DSCAM: variants seen among roughly 807,000 people sequenced by gnomAD.
DSCAM encodes DS cell adhesion molecule.
In DSCAM, 47 loss-of-function variants were observed where a neutral mutation model predicts 217.7. That is an observed-to-expected ratio of 0.22 (90% CI 0.17 to 0.28). The LOEUF (loss-of-function observed/expected upper bound fraction) is 0.28. Among genes scored for constraint, DSCAM ranks in the 10% least tolerant of loss-of-function variants. The probability of loss-of-function intolerance (pLI) is 1.00; values close to 1 mark genes in which losing one functional copy is unlikely to be tolerated. For synonymous variants in DSCAM, 1,056 were observed against 1,015.3 expected, an observed-to-expected ratio of 1.04 and a Z score of -0.76; for missense variants, 2,080 against 2,618.3, an observed-to-expected ratio of 0.79 and a Z score of 4.49.
chr21:40,536,599 G>T (rs540804163), intron 3 of DSCAM, among the ~76,000 whole-genome samples: 6 of 152,030 alleles, frequency 3.9e-5, no homozygotes, highest in South Asian at 4.2e-4. Context: ...GTAGAGACAG[G>T]GTTTCACCAT....
intron 3 of DSCAM, among the ~76,000 whole-genome samples, chr21:40,593,168 G>T (rs1259630657): frequency 6.6e-6 from 1 of 151,920 alleles, no homozygotes; most frequent in African/African-American, 2.4e-5. Flanking sequence ...TCACAAAAAA[G>T]GATTTTTTAA....
At chr21:40,718,206 C>T (rs971889751) in intron 1 of DSCAM, among the ~76,000 whole-genome samples, 5 of 152,310 alleles carry the variant, frequency 3.3e-5, no homozygotes, top group African/African-American at 1.2e-4. Flanking sequence ...GTTTCACTAA[C>T]GTAAAGAGGG....
chr21:40,839,608 T>G (rs1210789652), intron 1 of DSCAM, among the ~76,000 whole-genome samples: 1 of 152,176 alleles, frequency 6.6e-6, no homozygotes, highest in Non-Finnish European at 1.5e-5. Context: ...CAAAGAGATT[T>G]CATAATATTT....
chr21:40,139,248 G>A (rs1283491896), intron 18 of DSCAM, among the ~76,000 whole-genome samples: 2 of 151,872 alleles, frequency 1.3e-5, no homozygotes. Flanking sequence ...GGTTGAGGAC[G>A]TACCCACAAC....
chr21:40,423,451 C>A (rs1484588368), intron 3 of DSCAM, among the ~76,000 whole-genome samples: 1 of 152,170 alleles, frequency 6.6e-6, no homozygotes, highest in African/African-American at 2.4e-5. Flanking sequence ...ACTGCGCATG[C>A]GGGAAGCTCG....
chr21:40,052,868 G>A (rs2088954945), intron 29 of DSCAM, among the ~76,000 whole-genome samples: 1 of 152,182 alleles, frequency 6.6e-6, no homozygotes, highest in South Asian at 2.1e-4. Flanking sequence ...AGCAGGAGCT[G>A]CTGTTTGAGC....
chr21:40,478,343 G>C (rs1021350352), intron 3 of DSCAM, among the ~76,000 whole-genome samples: 1 of 152,196 alleles, frequency 6.6e-6, no homozygotes, highest in Non-Finnish European at 1.5e-5. Context: ...TGTAGTACAT[G>C]TGGACATAGG....
At chr21:40,485,773 G>A (rs1161474511) in intron 3 of DSCAM, among the ~76,000 whole-genome samples, 1 of 151,726 alleles carries the variant, frequency 6.6e-6, no homozygotes, top group Non-Finnish European at 1.5e-5. Context: ...TAAATTGTGT[G>A]TCAAATGTAT....
At chr21:40,133,813 T>G in intron 19 of DSCAM, 41 bp downstream of exon 19, 1 of 1,558,944 alleles carries the variant, frequency 6.4e-7, no homozygotes, top group Non-Finnish European at 8.7e-7. Context: ...GACCCAGCCC[T>G]TCCAGCAACT....
intron 32 of DSCAM, among the ~76,000 whole-genome samples, chr21:40,031,809 A>G (rs2146449729): frequency 6.6e-6 from 1 of 152,300 alleles, no homozygotes; most frequent in African/African-American, 2.4e-5. Context: ...ATCCCAAACC[A>G]GAAATGGGAG....
intron 16 of DSCAM, among the ~76,000 whole-genome samples, chr21:40,159,876 C>G (rs1478415535): frequency 6.6e-6 from 1 of 152,226 alleles, no homozygotes; most frequent in Non-Finnish European, 1.5e-5. Flanking sequence ...TGCCACTGTG[C>G]CCGACCCTAT....
intron 3 of DSCAM, among the ~76,000 whole-genome samples, chr21:40,372,044 G>C (rs1257836184): frequency 1.3e-5 from 2 of 152,140 alleles, no homozygotes; most frequent in African/African-American, 4.8e-5. Context: ...GAGAGGAACA[G>C]GTAAGTCCAG....
intron 8 of DSCAM, among the ~76,000 whole-genome samples, chr21:40,329,563 G>A (rs1272376648): frequency 1.3e-5 from 2 of 151,442 alleles, no homozygotes; most frequent in East Asian, 3.9e-4. Flanking sequence ...GCAGTGAGCC[G>A]AGATCGCGCC....
intron 2 of DSCAM, among the ~76,000 whole-genome samples, chr21:40,707,182 C>T (rs1465076529): frequency 6.6e-6 from 1 of 152,176 alleles, no homozygotes; most frequent in Non-Finnish European, 1.5e-5. Flanking sequence ...TTCTAGGTTT[C>T]CCTATAAGTG....
chr21:40,437,812 T>C (rs1485178482), intron 3 of DSCAM, among the ~76,000 whole-genome samples: 1 of 152,136 alleles, frequency 6.6e-6, no homozygotes, highest in African/African-American at 2.4e-5. Context: ...ATCCTGCCAC[T>C]GCACTCCAAC....
chr21:40,324,651 T>C (rs2074298812), intron 8 of DSCAM, among the ~76,000 whole-genome samples: 1 of 152,258 alleles, frequency 6.6e-6, no homozygotes, highest in African/African-American at 2.4e-5. Flanking sequence ...AATATCTATA[T>C]GTAAACAATT....
At chr21:40,807,447 C>T (rs1221625803) in intron 1 of DSCAM, among the ~76,000 whole-genome samples, 4 of 151,910 alleles carry the variant, frequency 2.6e-5, no homozygotes, top group South Asian at 4.2e-4. Context: ...CTCCTGCCTT[C>T]GCAGGAGGTG....
intron 1 of DSCAM, among the ~76,000 whole-genome samples, chr21:40,709,434 G>A (rs1479696803): frequency 6.6e-6 from 1 of 152,140 alleles, no homozygotes; most frequent in Non-Finnish European, 1.5e-5. Context: ...GTGGTTTGCT[G>A]CACCCATCAA....
At chr21:40,755,496 C>T (rs1300723915) in intron 1 of DSCAM, among the ~76,000 whole-genome samples, 3 of 151,812 alleles carry the variant, frequency 2.0e-5, no homozygotes, top group African/African-American at 4.8e-5. Flanking sequence ...AAAGATGTTG[C>T]CTGGATTCTT....
Sources: allele counts gnomAD v4.1 joint callset (sites outside exome capture counted in the v4.1 genomes callset), GRCh38; gene constraint gnomAD v4.1.1; transcripts MANE v1.5; gene names NCBI Gene and HGNC (gene_info 2026-07-23, HGNC 2026-07-21).